PDE4B: variants seen among roughly 807,000 people sequenced by gnomAD.
The protein encoded by PDE4B is 3',5'-cyclic-AMP phosphodiesterase 4B.
A neutral mutation model predicts 82.2 loss-of-function variants in PDE4B; 20 were observed. That is an observed-to-expected ratio of 0.24 (90% CI 0.17 to 0.35). The LOEUF is 0.35. Ranked by LOEUF, PDE4B falls within the 10% of genes least tolerant of loss-of-function variation. The pLI is 1.00. For synonymous variants in PDE4B, 320 were observed against 318.9 expected, an observed-to-expected ratio of 1.00 and a Z score of -0.04; for missense variants, 655 against 907.2, an observed-to-expected ratio of 0.72 and a Z score of 3.57.
chr1:65,986,115 A>G (rs571718932), intron 3 of PDE4B, among the ~76,000 whole-genome samples: 1 of 152,318 alleles, frequency 6.6e-6, no homozygotes, highest in Non-Finnish European at 1.5e-5. Context: ...GGCTAATAGC[A>G]GGGCATGATT....
In PDE4B at chr1:66,010,777, C is replaced by A. The variant is rs192483968; in HGVS notation, c.281+91942C>A. 1.3e-3 allele frequency among the ~76,000 whole-genome samples: 195 copies of A among 148,064 alleles called. 5 individuals are homozygous for A. The highest frequency in any genetic ancestry group is 4.1e-4 in the East Asian group (2 of 4,912). ...CACGAAGATTAATCATCTTTCTCTC[C>A]TTGCTTCAACAATATTGCATGTGAT... On this transcript the variant is annotated intron_variant, in intron 3 of 16. Transcript: ENST00000341517.
chr1:66,193,559 A>G (rs1332585153), intron 3 of PDE4B, among the ~76,000 whole-genome samples: 1 of 152,168 alleles, frequency 6.6e-6, no homozygotes, highest in African/African-American at 2.4e-5. Context: ...GAGCTTTAAA[A>G]TAATCATCTC....
At chr1:66,037,203 A>G (rs1189354985) in intron 3 of PDE4B, among the ~76,000 whole-genome samples, 1 of 151,938 alleles carries the variant, frequency 6.6e-6, no homozygotes, top group Non-Finnish European at 1.5e-5. Flanking sequence ...TAAGGATTGC[A>G]TTGAAACTGT....
chr1:66,319,068 A>T (rs1659214117), intron 7 of PDE4B, among the ~76,000 whole-genome samples: 1 of 152,252 alleles, frequency 6.6e-6, no homozygotes, highest in African/African-American at 2.4e-5. Context: ...TGTATATAAC[A>T]GGTTTTCTGC....
intron 3 of PDE4B, among the ~76,000 whole-genome samples, chr1:66,016,491 A>G (rs1245799264): frequency 6.6e-6 from 1 of 152,212 alleles, no homozygotes; most frequent in African/African-American, 2.4e-5. Context: ...ATCCTCTTCA[A>G]TGTAACCTTC....
chr1:66,149,638 G>A (rs1465256153), intron 3 of PDE4B, among the ~76,000 whole-genome samples: 1 of 152,188 alleles, frequency 6.6e-6, no homozygotes, highest in Non-Finnish European at 1.5e-5. Context: ...AGGATAGCTT[G>A]AAGGCAGGAA....
chr1:65,910,176 G>T (rs566573514), intron 1 of PDE4B, among the ~76,000 whole-genome samples: 1 of 152,298 alleles, frequency 6.6e-6, no homozygotes, highest in Admixed American at 6.5e-5. Flanking sequence ...TACGTAGAGT[G>T]CTTAAAAATG....
chr1:66,148,776 T>C (rs1239435985), intron 3 of PDE4B, among the ~76,000 whole-genome samples: 1 of 152,242 alleles, frequency 6.6e-6, no homozygotes, highest in East Asian at 1.9e-4. Context: ...TCTTTTGTGA[T>C]TGACTTCTTT....
At chr1:66,139,736 A>G (rs1295414672) in intron 3 of PDE4B, among the ~76,000 whole-genome samples, 1 of 43,540 alleles carries the variant, frequency 2.3e-5, no homozygotes, top group Non-Finnish European at 3.9e-5. Context: ...CTCCCCCCTC[A>G]AAAAAAAAAA....
intron 3 of PDE4B, among the ~76,000 whole-genome samples, chr1:66,194,137 G>A (rs143152757): frequency 5.4e-4 from 82 of 152,072 alleles, no homozygotes; most frequent in Non-Finnish European, 1.0e-3. Flanking sequence ...CTTTTGCACA[G>A]GAAGATTGCT....
chr1:66,024,932 TAACTA>T (rs1285938890), intron 3 of PDE4B, among the ~76,000 whole-genome samples: 9 of 151,962 alleles, frequency 5.9e-5, no homozygotes, highest in East Asian at 1.9e-4. Context: ...ATGAATTACT[TAACTA>T]AAGTATTATG....
intron 1 of PDE4B, among the ~76,000 whole-genome samples, chr1:65,816,126 A>T (rs1044904778): frequency 7.0e-6 from 1 of 143,064 alleles, no homozygotes; most frequent in Non-Finnish European, 1.5e-5. Flanking sequence ...CAGCCTAAAC[A>T]TTAAGAAAGC....
chr1:66,360,325 C>T (rs1183425470), intron 9 of PDE4B: 3 of 152,096 alleles, frequency 2.0e-5, no homozygotes, highest in Admixed American at 6.6e-5. Flanking sequence ...AGGTATACCA[C>T]GAAGCCAGTA....
rs78328081 is a variant in PDE4B at position 66,116,315 on chromosome 1, G to A, written c.282-131145G>A. ...TAGGAAAGGGTCCATTAAAAAGCTG[G>A]TTTGGACCTCTGTGTTCAAGGGTAG... On this transcript the variant is annotated intron_variant, in intron 3 of 16. Coordinates refer to ENST00000341517, the MANE Select transcript of PDE4B (RefSeq NM_002600.4). Among the ~76,000 whole-genome samples the A allele has an allele frequency of 3.1e-3, 471 of 152,224 alleles. 3 individuals carry two copies. Among genetic ancestry groups the A allele is most frequent in the Middle Eastern group, 0.027 (8 of 294 alleles).
intron 3 of PDE4B, among the ~76,000 whole-genome samples, chr1:66,140,462 A>G (rs1390572939): frequency 6.6e-6 from 1 of 152,222 alleles, no homozygotes; most frequent in Admixed American, 6.5e-5. Context: ...AGAACTGAAG[A>G]TTCTTGAATC....
intron 4 of PDE4B, among the ~76,000 whole-genome samples, chr1:66,255,023 T>C (rs139888344): frequency 1.3e-5 from 2 of 151,972 alleles, no homozygotes; most frequent in African/African-American, 2.4e-5. Flanking sequence ...TTTCTTTTCT[T>C]TTCTCTTTTC....
intron 3 of PDE4B, among the ~76,000 whole-genome samples, chr1:66,104,809 G>C (rs938624323): frequency 2.0e-5 from 3 of 149,282 alleles, no homozygotes; most frequent in African/African-American, 7.4e-5. Flanking sequence ...TTGTACATTT[G>C]TTTGAGTTCA....
At position 66,357,296 on chromosome 1, in the gene PDE4B, T is replaced by A. The variant is rs766754161; in HGVS notation, c.841+1676T>A. 7.2e-5 allele frequency among the ~76,000 whole-genome samples: 11 copies of A among 152,212 alleles called. 1 individual carries two copies. Among genetic ancestry groups the A allele is most frequent in the African/African-American group, 9.6e-5 (4 of 41,462 alleles). Reference sequence around the variant, plus strand: ...GTTTGTAGTCTCTTTCAATATCTGCTTATCAAGGACAACGAGAATATCTTA... The same window carrying A: ...GTTTGTAGTCTCTTTCAATATCTGCATATCAAGGACAACGAGAATATCTTA... On this transcript the variant is annotated intron_variant, in intron 9 of 16. Transcript: ENST00000341517.
intron 3 of PDE4B, among the ~76,000 whole-genome samples, chr1:66,154,555 A>G (rs1419522333): frequency 6.6e-6 from 1 of 152,212 alleles, no homozygotes; most frequent in East Asian, 1.9e-4. Context: ...CATGGATAAA[A>G]TGCCTTGTGA....
Sources: gnomAD v4.1 joint callset for allele counts (sites outside exome capture counted in the v4.1 genomes callset) on GRCh38, gnomAD v4.1.1 for gene constraint, MANE v1.5 for transcripts, NCBI Gene and HGNC (gene_info 2026-07-23, HGNC 2026-07-21) for gene names.